XIRP2: variants seen among roughly 807,000 people sequenced by gnomAD.
XIRP2 encodes the protein xin actin-binding repeat-containing protein 2.
A neutral mutation model predicts 277.0 loss-of-function variants in XIRP2; 236 were observed. That is an observed-to-expected ratio of 0.85 (90% CI 0.77 to 0.95). The LOEUF (loss-of-function observed/expected upper bound fraction) is 0.95. Ranked by LOEUF, XIRP2 falls within the 40% of genes least tolerant of loss-of-function variation. The probability of loss-of-function intolerance (pLI) is 0.00; values close to 1 mark genes in which losing one functional copy is unlikely to be tolerated. For missense variants in XIRP2, 4,640 were observed against 4,157.5 expected, an observed-to-expected ratio of 1.12 and a Z score of -3.19; for synonymous variants, 1,490 against 1,416.5, an observed-to-expected ratio of 1.05 and a Z score of -1.17.
intron 2 of XIRP2, among the ~76,000 whole-genome samples, chr2:167,046,413 A>G (rs1022378393): frequency 6.6e-6 from 1 of 151,882 alleles, no homozygotes; most frequent in Non-Finnish European, 1.5e-5. Flanking sequence ...TTTAATATGA[A>G]GGGATGTTGG....
intron 2 of XIRP2, among the ~76,000 whole-genome samples, chr2:166,910,591 GT>G (rs1429572184): frequency 2.0e-5 from 3 of 152,056 alleles, no homozygotes; most frequent in East Asian, 3.8e-4. Context: ...TTTTTGAAGG[GT>G]TTTTTGTGTC....
At position 167,082,807 on chromosome 2, in the gene XIRP2, A is replaced by T. The variant is rs139955276; in HGVS notation, c.409-53102A>T. ...ATGGGGTTGTTTGTTTTTTTCTTGT[A>T]AATCTGTTTCAGTTCATTGTAGATT... On this transcript the variant is annotated intron_variant, in intron 2 of 10. Transcript: ENST00000409195. 7.1e-3 allele frequency among the ~76,000 whole-genome samples: 1,078 copies of T among 152,126 alleles called. 15 individuals carry two copies. The highest frequency in any genetic ancestry group is 0.025 in the African/African-American group (1,041 of 41,454).
intron 2 of XIRP2, among the ~76,000 whole-genome samples, chr2:167,032,357 C>T (rs1228861410): frequency 6.6e-6 from 1 of 152,104 alleles, no homozygotes; most frequent in Non-Finnish European, 1.5e-5. Context: ...TAGAAGAAAA[C>T]CTAGGCAATA....
At chr2:166,943,276 A>G (rs1281680834) in intron 2 of XIRP2, among the ~76,000 whole-genome samples, 2 of 152,190 alleles carry the variant, frequency 1.3e-5, no homozygotes, top group South Asian at 2.1e-4. Flanking sequence ...TATATAATCC[A>G]TTTTTAATTT....
rs766796113 is a variant in XIRP2 at position 167,249,440 on chromosome 2, G to A, written c.8048G>A (p.Ser2683Asn). 9 of 1,613,682 alleles carry A rather than the reference G, an allele frequency of 5.6e-6. No homozygotes were observed. ...ATTAAACAAAGTCACCAAGAATGTA[G>A]TACCCAACAAACACAACAGAAGAAG... ...CEIKQSHQEC[S>N]TQQTQQKKYL... The change falls in exon 9 of 11, where the codon AGT (serine) becomes AAT (asparagine). Residue 2683 changes from serine (S) to asparagine (N), a missense_variant. Coordinates refer to ENST00000409195, the MANE Select transcript of XIRP2 (RefSeq NM_152381.6).
At chr2:167,229,943 A>G (rs576418918) in intron 5 of XIRP2, among the ~76,000 whole-genome samples, 2 of 152,144 alleles carry the variant, frequency 1.3e-5, no homozygotes, top group East Asian at 3.9e-4. Flanking sequence ...GCTCCTGGGT[A>G]TCTACTTAGG....
At chr2:167,003,931 A>C (rs7597453) in intron 2 of XIRP2, among the ~76,000 whole-genome samples, 29,220 of 151,872 alleles carry the variant, frequency 0.19, 3,727 homozygotes, top group East Asian at 0.68. Flanking sequence ...AATTGTAAAA[A>C]ATTTAATTAT....
chr2:167,111,081 C>T (rs1558983595), intron 2 of XIRP2, among the ~76,000 whole-genome samples: 2 of 152,068 alleles, frequency 1.3e-5, no homozygotes, highest in African/African-American at 2.4e-5. Context: ...TGGACCCAGA[C>T]TATGGGGTTT....
chr2:166,959,149 C>G (rs542159900), intron 2 of XIRP2, among the ~76,000 whole-genome samples: 5 of 151,726 alleles, frequency 3.3e-5, no homozygotes, highest in Non-Finnish European at 5.9e-5. Flanking sequence ...CCTGGTTGTA[C>G]CCCTGTTTCT....
chr2:167,193,110 A>T (rs1352217823), intron 3 of XIRP2, among the ~76,000 whole-genome samples: 1 of 152,202 alleles, frequency 6.6e-6, no homozygotes, highest in Non-Finnish European at 1.5e-5. Context: ...ATTTCAGGGA[A>T]ATGAAATTTG....
chr2:167,138,416 T>A (rs1220516363), intron 3 of XIRP2, among the ~76,000 whole-genome samples: 1 of 152,168 alleles, frequency 6.6e-6, no homozygotes, highest in Non-Finnish European at 1.5e-5. Flanking sequence ...GTGCTATGAT[T>A]TTCCCCAGCC....
chr2:167,083,029 C>G (rs1025910834), intron 2 of XIRP2, among the ~76,000 whole-genome samples: 5 of 152,174 alleles, frequency 3.3e-5, no homozygotes, highest in African/African-American at 1.2e-4. Flanking sequence ...ATGCCTATGT[C>G]CTGAATGGTA....
rs553407380 is a variant in XIRP2 at position 166,904,650 on chromosome 2, G to A, written c.408+760G>A. ...TTAAAAGCAATTACTATTTCAACTG[G>A]AATTACTTGAATTTATTTCACTCAT... On this transcript the variant is annotated intron_variant, in intron 2 of 10. Transcript: ENST00000409195. Among the ~76,000 whole-genome samples, 9 of 152,082 alleles carry A rather than the reference G, an allele frequency of 5.9e-5. No individual in the cohort carries two copies. In the East Asian group the frequency reaches 1.5e-3, roughly 26 times the overall value.
In XIRP2 at chr2:166,888,566, T is replaced by A. The variant is rs1401880386; in HGVS notation, c.-19+9T>A. The stretch of plus-strand genomic sequence containing the variant: ...GGACATGTAGAAAAAAGGTAAGATT[T>A]TCCTAAGAAAAACCACTTCTTTCAT... On this transcript the variant is annotated intron_variant, in intron 1 of 10. Coordinates refer to ENST00000409195, the MANE Select transcript of XIRP2 (RefSeq NM_152381.6). 1 of 152,122 alleles carries A rather than the reference T, an allele frequency of 6.6e-6. No individual in the cohort carries two copies. The highest frequency in any genetic ancestry group is 2.4e-5 in the African/African-American group (1 of 41,424). The allele number at this position is 152,122 out of a possible 1,614,324, so 9.4% of individuals were successfully genotyped here. A position where few individuals can be genotyped will look rare whatever the true frequency, so the allele number is the denominator to read the frequency against.
chr2:166,960,194 T>C (rs559953013), intron 2 of XIRP2, among the ~76,000 whole-genome samples: 1 of 151,732 alleles, frequency 6.6e-6, no homozygotes, highest in East Asian at 2.0e-4. Flanking sequence ...CCTTGGAGGA[T>C]TGAAAACTTG....
intron 3 of XIRP2, among the ~76,000 whole-genome samples, chr2:167,172,328 A>C (rs1221045118): frequency 6.6e-6 from 1 of 152,206 alleles, no homozygotes; most frequent in Non-Finnish European, 1.5e-5. Context: ...GCAGGGCAAG[A>C]TCACAGGACC....
chr2:167,024,971 C>T (rs528290241), intron 2 of XIRP2, among the ~76,000 whole-genome samples: 1 of 152,022 alleles, frequency 6.6e-6, no homozygotes, highest in Non-Finnish European at 1.5e-5. Flanking sequence ...GGCCTCATAA[C>T]ATGAGTTAGG....
At chr2:167,161,646 C>G (rs933653287) in intron 3 of XIRP2, among the ~76,000 whole-genome samples, 1 of 152,176 alleles carries the variant, frequency 6.6e-6, no homozygotes, top group Non-Finnish European at 1.5e-5. Flanking sequence ...TGGCCCAGCC[C>G]CAAGAAACCA....
intron 2 of XIRP2, among the ~76,000 whole-genome samples, chr2:167,120,260 G>C: frequency 6.6e-6 from 1 of 152,068 alleles, no homozygotes; most frequent in Non-Finnish European, 1.5e-5. Context: ...CTAGAGCTCT[G>C]CACTATTTCT....
Sources: allele counts gnomAD v4.1 joint callset (sites outside exome capture counted in the v4.1 genomes callset), GRCh38; gene constraint gnomAD v4.1.1; transcripts MANE v1.5; gene names NCBI Gene and HGNC (gene_info 2026-07-23, HGNC 2026-07-21).